The following GRB10 variants were observed in gnomAD, a reference collection of about 807,000 sequenced individuals.
GRB10 encodes the protein growth factor receptor bound protein 10, also known as growth factor receptor-bound protein 10.
In GRB10, 20 loss-of-function variants were observed where a neutral mutation model predicts 80.9. The observed-to-expected ratio is 0.25, with a 90% CI of 0.17 to 0.36. The LOEUF is 0.36. GRB10 is among the 10% of genes least tolerant of loss of function. The probability of loss-of-function intolerance (pLI) is 1.00; values close to 1 mark genes in which losing one functional copy is unlikely to be tolerated. For synonymous variants in GRB10, 291 were observed against 291.5 expected (o/e 1.00, Z 0.02); for missense variants, 548 against 747.7 (o/e 0.73, Z 3.12).
chr7:50,600,614 T>A (rs771271198), intron 17 of GRB10, among the ~76,000 whole-genome samples: 14 of 152,072 alleles, frequency 9.2e-5, no homozygotes, highest in Non-Finnish European at 1.9e-4. Flanking sequence ...GGGAAAAGAA[T>A]CCAAGTACAA....
chr7:50,635,546 C>T (rs1244114123), intron 7 of GRB10, among the ~76,000 whole-genome samples: 1 of 132,978 alleles, frequency 7.5e-6, no homozygotes. Context: ...GTTATTGAGA[C>T]CCCAAAAAAC....
chr7:50,781,580 G>A (rs1487139612), intron 1 of GRB10: 1 of 152,342 alleles, frequency 6.6e-6, no homozygotes, highest in Non-Finnish European at 1.5e-5. Flanking sequence ...CTAGGAAGGA[G>A]AGCTTTGCGG....
At chr7:50,784,802 A>T (rs1374006342), upstream of GRB10, among the ~76,000 whole-genome samples, 1 of 152,234 alleles carries the variant, frequency 6.6e-6, no homozygotes, top group Non-Finnish European at 1.5e-5. Context: ...AGTGGAGATG[A>T]AGCCTGATGA....
chr7:50,629,027 T>C (rs1231729457), intron 7 of GRB10, among the ~76,000 whole-genome samples: 1 of 152,190 alleles, frequency 6.6e-6, no homozygotes, highest in African/African-American at 2.4e-5. Flanking sequence ...AACAATGCTT[T>C]ATAAATATGC....
At chr7:50,752,163 CA>C (rs2074221506) in intron 3 of GRB10, among the ~76,000 whole-genome samples, 2 of 151,930 alleles carry the variant, frequency 1.3e-5, no homozygotes, top group Non-Finnish European at 2.9e-5. Context: ...AAGAACTCCA[CA>C]GAAGAATGTG....
intron 17 of GRB10, among the ~76,000 whole-genome samples, chr7:50,601,426 C>T (rs4469405): frequency 0.083 from 12,576 of 152,152 alleles, 789 homozygotes; most frequent in South Asian, 0.13. Flanking sequence ...CTGATTTACC[C>T]AGCAGTTTGG....
intron 5 of GRB10, among the ~76,000 whole-genome samples, chr7:50,675,687 T>C (rs1275164672): frequency 2.0e-5 from 3 of 152,178 alleles, no homozygotes; most frequent in South Asian, 2.1e-4. Context: ...TTGGACTTGC[T>C]AGCCTCCACA....
chr7:50,775,659 A>G (rs1399289780), intron 2 of GRB10, among the ~76,000 whole-genome samples: 1 of 152,138 alleles, frequency 6.6e-6, no homozygotes, highest in African/African-American at 2.4e-5. Flanking sequence ...CCTAGCAGGG[A>G]GTCTCTGCAG....
chr7:50,707,821 C>G (rs2065253454), intron 4 of GRB10, among the ~76,000 whole-genome samples: 1 of 152,202 alleles, frequency 6.6e-6, no homozygotes, highest in Admixed American at 6.5e-5. Flanking sequence ...GGTTAACAAG[C>G]CCCTTGCGTG....
At chr7:50,633,602 T>C (rs1291191124) in intron 7 of GRB10, among the ~76,000 whole-genome samples, 1 of 151,532 alleles carries the variant, frequency 6.6e-6, no homozygotes, top group Non-Finnish European at 1.5e-5. Context: ...AGATATGAAG[T>C]GTAAGGAAGC....
chr7:50,761,601 T>A (rs553842005), intron 2 of GRB10: 15 of 152,310 alleles, frequency 9.8e-5, no homozygotes, highest in African/African-American at 3.1e-4. Context: ...AATGGCAGTA[T>A]CAGATGTAAC....
At chr7:50,670,786 T>C (rs1407376596) in intron 6 of GRB10, among the ~76,000 whole-genome samples, 1 of 152,196 alleles carries the variant, frequency 6.6e-6, no homozygotes, top group Non-Finnish European at 1.5e-5. Flanking sequence ...CAATGGATGG[T>C]TACTTATATA....
At chr7:50,628,674 C>G (rs1406333070) in intron 7 of GRB10, among the ~76,000 whole-genome samples, 1 of 152,150 alleles carries the variant, frequency 6.6e-6, no homozygotes, top group Non-Finnish European at 1.5e-5. Context: ...GGAGCCTGCA[C>G]TCTCAGGTAG....
chr7:50,675,340 G>C (rs1208913747), intron 5 of GRB10, among the ~76,000 whole-genome samples: 1 of 152,244 alleles, frequency 6.6e-6, no homozygotes, highest in African/African-American at 2.4e-5. Context: ...GTGAGAGAGA[G>C]AGCGGCGGAA....
intron 3 of GRB10, among the ~76,000 whole-genome samples, chr7:50,744,586 G>A (rs747167723): frequency 2.0e-4 from 30 of 152,194 alleles, no homozygotes; most frequent in Non-Finnish European, 5.9e-5. Flanking sequence ...TTAGAATAAA[G>A]TAAGCTCTTT....
At chr7:50,631,229 G>A (rs573687494) in intron 7 of GRB10, among the ~76,000 whole-genome samples, 7 of 152,250 alleles carry the variant, frequency 4.6e-5, no homozygotes, top group Non-Finnish European at 1.0e-4. Context: ...CCTCCTGACT[G>A]GCTGTGAGTC....
chr7:50,662,581 G>A (rs1406858538), intron 7 of GRB10, among the ~76,000 whole-genome samples: 1 of 152,166 alleles, frequency 6.6e-6, no homozygotes, highest in Non-Finnish European at 1.5e-5. Context: ...TAAGGCTTTG[G>A]GCTCATCTAG....
intron 17 of GRB10, among the ~76,000 whole-genome samples, chr7:50,596,532 C>A (rs767780886): frequency 2.4e-4 from 37 of 152,198 alleles, no homozygotes; most frequent in Non-Finnish European, 1.5e-4. Context: ...TGAAGATGTT[C>A]TTTTGCTATA....
chr7:50,750,525 A>G (rs1425522246), intron 3 of GRB10, among the ~76,000 whole-genome samples: 1 of 152,234 alleles, frequency 6.6e-6, no homozygotes, highest in Non-Finnish European at 1.5e-5. Context: ...ATCACAGCAC[A>G]CGTTGAGCCT....
Sources: gnomAD v4.1 joint callset for allele counts (sites outside exome capture counted in the v4.1 genomes callset) on GRCh38, gnomAD v4.1.1 for gene constraint, MANE v1.5 for transcripts, NCBI Gene and HGNC (gene_info 2026-07-23, HGNC 2026-07-21) for gene names.